The following GATB variants were observed in gnomAD, a reference collection of about 807,000 sequenced individuals.
The protein encoded by GATB is glutamyl-tRNA(Gln) amidotransferase subunit B, mitochondrial.
Under a neutral mutation model 62.3 loss-of-function variants are expected in GATB, and 39 were observed. That is an observed-to-expected ratio of 0.63 (90% CI 0.48 to 0.82). The LOEUF is 0.82. GATB is among the 40% of genes least tolerant of loss of function. The pLI, the probability that GATB is intolerant of heterozygous loss-of-function variation, is 0.00. For synonymous variants in GATB, 276 were observed against 258.9 expected (o/e 1.07, Z -0.63); for missense variants, 670 against 684.0 (o/e 0.98, Z 0.23).
intron 10 of GATB, among the ~76,000 whole-genome samples, chr4:151,683,256 G>A (rs1738180186): frequency 6.6e-6 from 1 of 152,126 alleles, no homozygotes; most frequent in African/African-American, 2.4e-5. Context: ...CATGCCATCT[G>A]GATTCTGTGC....
chr4:151,693,288 A>G (rs972805591), intron 9 of GATB, among the ~76,000 whole-genome samples: 1 of 152,190 alleles, frequency 6.6e-6, no homozygotes, highest in Non-Finnish European at 1.5e-5. Flanking sequence ...GCGTCAGGGC[A>G]AGGCTAAGGA....
chr4:151,741,902 A>G (rs964161356), intron 2 of GATB, among the ~76,000 whole-genome samples: 4 of 152,190 alleles, frequency 2.6e-5, no homozygotes, highest in East Asian at 1.9e-4. Context: ...TTTAAAGGCA[A>G]TAAGTGAGAG....
At chr4:151,726,956 G>A (rs111271884) in intron 2 of GATB, among the ~76,000 whole-genome samples, 22 of 152,208 alleles carry the variant, frequency 1.4e-4, no homozygotes, top group African/African-American at 3.9e-4. Flanking sequence ...TTACTCTGTC[G>A]TCCAGGTTGG....
intron 11 of GATB, chr4:151,674,008 C>T (rs1737942732): frequency 6.6e-6 from 1 of 152,284 alleles, no homozygotes; most frequent in South Asian, 2.1e-4. Context: ...CAAAAACAAA[C>T]CACAAATACT....
intron 11 of GATB, among the ~76,000 whole-genome samples, chr4:151,678,251 A>C (rs1738051812): frequency 6.6e-6 from 1 of 152,196 alleles, no homozygotes; most frequent in African/African-American, 2.4e-5. Context: ...GAAGCTGATA[A>C]AATCTGAAAG....
At chr4:151,697,969 A>ATATATATGTG (rs1738517934) in intron 9 of GATB, among the ~76,000 whole-genome samples, 1 of 102,520 alleles carries the variant, frequency 9.8e-6, no homozygotes, top group South Asian at 4.1e-4. Flanking sequence ...ATATATATAT[A>ATATATATGTG]TATATATATA....
chr4:151,737,191 C>T (rs920179397), intron 2 of GATB, among the ~76,000 whole-genome samples: 3 of 152,118 alleles, frequency 2.0e-5, no homozygotes, highest in Non-Finnish European at 2.9e-5. Context: ...TGACTCTGAC[C>T]AAAAGCCTGA....
At chr4:151,686,092 G>T (rs1228865755) in intron 10 of GATB, among the ~76,000 whole-genome samples, 1 of 152,074 alleles carries the variant, frequency 6.6e-6, no homozygotes, top group Non-Finnish European at 1.5e-5. Flanking sequence ...AGAGGCAGCA[G>T]ATGCCACAAG....
chr4:151,684,586 G>A (rs1016515551), intron 10 of GATB, among the ~76,000 whole-genome samples: 1 of 152,226 alleles, frequency 6.6e-6, no homozygotes, highest in Non-Finnish European at 1.5e-5. Context: ...AGCACTCATA[G>A]CTGAGGCTGT....
Position 151,671,317 on chromosome 4 carries a change from A to C in GATB, c.1546-15T>G, listed in dbSNP as rs1578888493. 2 of 1,605,758 alleles carry C rather than the reference A, an allele frequency of 1.2e-6. No homozygotes were observed. Among genetic ancestry groups the C allele is most frequent in the Non-Finnish European group, 1.7e-6 (2 of 1,173,422 alleles). On this transcript the variant is annotated splice_polypyrimidine_tract_variant and intron_variant, in intron 12 of 12. Coordinates refer to ENST00000263985, the MANE Select transcript of GATB (RefSeq NM_004564.3). ...ACATCCATTACCTAGAAGGACAGAA[A>C]TTACTTACTTAAGAGGAGAAAATGA...
intron 10 of GATB, among the ~76,000 whole-genome samples, chr4:151,684,382 C>T (rs1265328873): frequency 6.6e-6 from 1 of 152,232 alleles, no homozygotes; most frequent in Non-Finnish European, 1.5e-5. Context: ...AAGCAATATA[C>T]TCAATTAAAA....
At chr4:151,709,320 C>G (rs904026126) in intron 5 of GATB, among the ~76,000 whole-genome samples, 2 of 152,178 alleles carry the variant, frequency 1.3e-5, no homozygotes, top group Non-Finnish European at 2.9e-5. Flanking sequence ...AAGGGAAGGG[C>G]TCGCCCAATT....
intron 8 of GATB, among the ~76,000 whole-genome samples, chr4:151,702,218 CT>C (rs1392515075): frequency 6.6e-5 from 10 of 152,142 alleles, no homozygotes; most frequent in Non-Finnish European, 1.3e-4. Flanking sequence ...GGAAAGATGA[CT>C]TTCCCCCCAT....
chr4:151,701,328 C>T lies in GATB; in HGVS notation c.1197+1G>A. The T allele has an allele frequency of 6.5e-7, 1 of 1,537,022 alleles. No homozygotes were observed. Among genetic ancestry groups the T allele is most frequent in the Non-Finnish European group, 8.8e-7 (1 of 1,137,810 alleles). On this transcript the variant is annotated splice_donor_variant, in intron 9 of 12. Coordinates refer to ENST00000263985, the MANE Select transcript of GATB (RefSeq NM_004564.3). LOFTEE classifies it high-confidence loss of function. ...CCTCTTGGCATCCGATCGATACCTA[C>T]CAGCAAAGTGAAGCTGTGTTCCAGC...
chr4:151,682,064 CAAAA>C (rs1438966274), intron 10 of GATB, among the ~76,000 whole-genome samples: 1 of 152,136 alleles, frequency 6.6e-6, no homozygotes, highest in Non-Finnish European at 1.5e-5. Context: ...AAAAGGAACA[CAAAA>C]TAACTAAAAA....
At chr4:151,698,455 A>G (rs553730984) in intron 9 of GATB, among the ~76,000 whole-genome samples, 30 of 152,300 alleles carry the variant, frequency 2.0e-4, no homozygotes, top group Admixed American at 8.5e-4. Flanking sequence ...ACAGAGTTGC[A>G]GCTCTGCAAA....
intron 2 of GATB, among the ~76,000 whole-genome samples, chr4:151,742,090 GTTT>G (rs5862970): frequency 7.3e-6 from 1 of 136,324 alleles, no homozygotes; most frequent in Non-Finnish European, 1.6e-5. Flanking sequence ...GAGGGATATG[GTTT>G]TTTTTTTTTT....
chr4:151,727,457 C>T (rs1210765218), intron 2 of GATB, among the ~76,000 whole-genome samples: 1 of 152,192 alleles, frequency 6.6e-6, no homozygotes, highest in African/African-American at 2.4e-5. Context: ...GGCCAGTTAG[C>T]CATGTTAGAT....
intron 2 of GATB, among the ~76,000 whole-genome samples, chr4:151,756,806 A>C (rs957452758): frequency 2.0e-5 from 3 of 152,210 alleles, no homozygotes; most frequent in African/African-American, 7.2e-5. Context: ...AATTTGGTCT[A>C]ATTTTTGACC....
Sources: gnomAD v4.1 joint callset for allele counts (sites outside exome capture counted in the v4.1 genomes callset) on GRCh38, gnomAD v4.1.1 for gene constraint, MANE v1.5 for transcripts, NCBI Gene and HGNC (gene_info 2026-07-23, HGNC 2026-07-21) for gene names.